EPHX1: variants seen among roughly 807,000 people sequenced by gnomAD.
The protein encoded by EPHX1 is epoxide hydratase.
EPHX1 carries 40 observed loss-of-function variants against 43.2 expected under a neutral mutation model. The ratio of observed to expected loss-of-function variants is 0.93; its 90% CI spans 0.72 to 1.21. The LOEUF is 1.21. Among genes scored for constraint, EPHX1 ranks in the 50% most tolerant of loss-of-function variants. The pLI, the probability that EPHX1 is intolerant of heterozygous loss-of-function variation, is 0.00. For missense variants in EPHX1, 550 were observed against 570.4 expected (o/e 0.96, Z 0.36); for synonymous variants, 221 against 226.7 (o/e 0.98, Z 0.22).
Position 225,844,493 on chromosome 1 carries a change from C to T in EPHX1, c.1041-5C>T. On this transcript the variant is annotated splice_region_variant and splice_polypyrimidine_tract_variant and intron_variant, in intron 7 of 8. Coordinates refer to ENST00000272167, the MANE Select transcript of EPHX1 (RefSeq NM_001136018.4). ...AGAGTGGGGCTTTGTGTTCTGCGTT[C>T]CCAGGAAGTTCTCCCTGGACGACCT... 3 of 1,614,136 alleles carry T rather than the reference C, an allele frequency of 1.9e-6. No individual in the cohort carries two copies. Among genetic ancestry groups the T allele is most frequent in the Non-Finnish European group, 2.5e-6 (3 of 1,180,012 alleles).
chr1:225,832,288 C>T, intron 3 of EPHX1: 1 of 363,548 alleles, frequency 2.8e-6, no homozygotes, highest in South Asian at 2.3e-5. Context: ...AACTGTAATC[C>T]CAGCACTTTG....
chr1:225,810,411 G>A (rs1277288232), intron 1 of EPHX1: 3 of 151,132 alleles, frequency 2.0e-5, no homozygotes, highest in Admixed American at 1.3e-4. Flanking sequence ...ACTTCTCGCA[G>A]GGAATTCCGC....
chr1:225,820,099 C>CT (rs908937175), intron 1 of EPHX1, among the ~76,000 whole-genome samples: 71 of 152,010 alleles, frequency 4.7e-4, no homozygotes, highest in Middle Eastern at 3.4e-3. Flanking sequence ...TTCTTTCTTT[C>CT]TTTTTTTTGT....
At chr1:225,819,350 C>G (rs1032282749) in intron 1 of EPHX1, among the ~76,000 whole-genome samples, 1 of 151,558 alleles carries the variant, frequency 6.6e-6, no homozygotes, top group Non-Finnish European at 1.5e-5. Flanking sequence ...TGCAGTGAGC[C>G]GAGATCGTGC....
chr1:225,843,954 G>T (rs1467520294), intron 7 of EPHX1, among the ~76,000 whole-genome samples: 2 of 152,180 alleles, frequency 1.3e-5, no homozygotes, highest in African/African-American at 4.8e-5. Flanking sequence ...AGTGAGGAAG[G>T]TAGGGTTGGG....
chr1:225,825,117 T>C lies in EPHX1; in HGVS notation c.-5-3608T>C, dbSNP rs45539739. On this transcript the variant is annotated intron_variant, in intron 1 of 8. Transcript: ENST00000272167. The stretch of plus-strand genomic sequence containing the variant: ...TCCTGGGTGATACACCTGGTAGTGC[T>C]GGTGGGGGCCATCATAATGCCCCTT... Among the ~76,000 whole-genome samples the C allele has an allele frequency of 3.8e-3, 574 of 152,332 alleles. 6 individuals are homozygous for C. The highest frequency in any genetic ancestry group is 0.013 in the African/African-American group (549 of 41,570).
chr1:225,835,955 C>A (rs183417585), intron 3 of EPHX1, among the ~76,000 whole-genome samples: 1 of 152,102 alleles, frequency 6.6e-6, no homozygotes, highest in Admixed American at 6.5e-5. Flanking sequence ...GGTTCTGGCA[C>A]CCTGCCCGGG....
intron 1 of EPHX1, among the ~76,000 whole-genome samples, chr1:225,827,195 A>T (rs1463973369): frequency 6.6e-6 from 1 of 152,130 alleles, no homozygotes; most frequent in African/African-American, 2.4e-5. Context: ...AATGGAGGAC[A>T]TGCAAGTGGT....
At chr1:225,815,952 C>T (rs1400618507) in intron 1 of EPHX1, among the ~76,000 whole-genome samples, 1 of 152,194 alleles carries the variant, frequency 6.6e-6, no homozygotes, top group African/African-American at 2.4e-5. Context: ...ATATGATCTG[C>T]TCCTATTATC....
intron 4 of EPHX1, 88 bp from the exon 5 acceptor site, chr1:225,839,129 G>T: frequency 6.3e-7 from 1 of 1,599,966 alleles, no homozygotes. Context: ...GGGTAGGCGG[G>T]CCTGAGAAAT....
chr1:225,816,346 A>G (rs1666724565), intron 1 of EPHX1, among the ~76,000 whole-genome samples: 1 of 117,748 alleles, frequency 8.5e-6, no homozygotes, highest in Non-Finnish European at 1.9e-5. Context: ...TTAAAAGATT[A>G]AAAAAAGAGA....
intron 6 of EPHX1, among the ~76,000 whole-genome samples, chr1:225,842,154 A>G (rs888445566): frequency 6.6e-6 from 1 of 152,260 alleles, no homozygotes; most frequent in Non-Finnish European, 1.5e-5. Flanking sequence ...GACAGTGGGA[A>G]GGTATCGTCC....
At chr1:225,833,906 G>A (rs1667782494) in intron 3 of EPHX1, among the ~76,000 whole-genome samples, 1 of 148,204 alleles carries the variant, frequency 6.7e-6, no homozygotes, top group Non-Finnish European at 1.5e-5. Flanking sequence ...GACCATCCTG[G>A]TCTAACTTGG....
At chr1:225,823,262 C>A (rs954530023) in intron 1 of EPHX1, among the ~76,000 whole-genome samples, 2 of 151,946 alleles carry the variant, frequency 1.3e-5, no homozygotes, top group South Asian at 2.1e-4. Context: ...GAATTCCTGG[C>A]CACAAGTGAT....
At chr1:225,835,934 T>C (rs1322687079) in intron 3 of EPHX1, among the ~76,000 whole-genome samples, 1 of 152,156 alleles carries the variant, frequency 6.6e-6, no homozygotes, top group Non-Finnish European at 1.5e-5. Flanking sequence ...ATCGTGGACT[T>C]ACCCATGTGT....
intron 3 of EPHX1, among the ~76,000 whole-genome samples, chr1:225,834,177 C>T (rs940650147): frequency 6.7e-6 from 1 of 148,462 alleles, no homozygotes; most frequent in African/African-American, 2.5e-5. Context: ...GAGGCCGAGG[C>T]GGGTGGATCC....
intron 1 of EPHX1, among the ~76,000 whole-genome samples, chr1:225,821,395 A>G (rs902987642): frequency 8.6e-5 from 13 of 151,470 alleles, no homozygotes; most frequent in Non-Finnish European, 1.6e-4. Flanking sequence ...ACAAGTGCAC[A>G]CTACCACACC....
intron 8 of EPHX1, 66 bp downstream of exon 8, chr1:225,844,689 G>C: frequency 6.2e-7 from 1 of 1,601,770 alleles, no homozygotes; most frequent in African/African-American, 1.3e-5. Context: ...CCAGTCTTGG[G>C]CTCCACGAAG....
intron 2 of EPHX1, among the ~76,000 whole-genome samples, chr1:225,830,876 C>T (rs1416365113): frequency 6.6e-6 from 1 of 152,172 alleles, no homozygotes; most frequent in African/African-American, 2.4e-5. Flanking sequence ...TGTTTTAGCA[C>T]AGCGCCCATG....
Sources: allele counts gnomAD v4.1 joint callset (sites outside exome capture counted in the v4.1 genomes callset), GRCh38; gene constraint gnomAD v4.1.1; transcripts MANE v1.5; gene names NCBI Gene and HGNC (gene_info 2026-07-23, HGNC 2026-07-21).